The following DENND1A variants were observed in gnomAD, a reference collection of about 807,000 sequenced individuals.
DENND1A encodes DENN domain containing 1A, also known as DENN domain-containing protein 1A.
A neutral mutation model predicts 113.7 loss-of-function variants in DENND1A; 51 were observed. The observed-to-expected ratio is 0.45, with a 90% confidence interval of 0.36 to 0.57. The LOEUF is 0.57. DENND1A is among the 20% of genes least tolerant of loss of function. The pLI is 0.00. For synonymous variants in DENND1A, 565 were observed against 570.8 expected, an observed-to-expected ratio of 0.99 and a Z score of 0.14; for missense variants, 1,258 against 1,395.9, an observed-to-expected ratio of 0.90 and a Z score of 1.57.
intron 13 of DENND1A, among the ~76,000 whole-genome samples, chr9:123,459,709 A>G (rs1437951536): frequency 1.4e-5 from 2 of 141,196 alleles, no homozygotes; most frequent in East Asian, 4.1e-4. Flanking sequence ...CCCACCCCCC[A>G]GCCCTGGTAG....
intron 5 of DENND1A, among the ~76,000 whole-genome samples, chr9:123,755,500 C>T (rs117074034): frequency 0.022 from 3,260 of 150,634 alleles, 46 homozygotes; most frequent in Non-Finnish European, 0.033. Context: ...CTCCCTTCCT[C>T]CTCTTCCACC....
At chr9:123,488,001 G>A (rs767218652) in intron 13 of DENND1A, among the ~76,000 whole-genome samples, 5 of 152,258 alleles carry the variant, frequency 3.3e-5, no homozygotes, top group Non-Finnish European at 5.9e-5. Flanking sequence ...CGGAACCAGC[G>A]GCAGAGCACC....
intron 10 of DENND1A, 26 bp downstream of exon 10, chr9:123,630,350 G>T (rs780596260): frequency 1.3e-6 from 2 of 1,543,932 alleles, no homozygotes; most frequent in East Asian, 2.3e-5. Context: ...CAAAGGAGAA[G>T]CAGAGGACAG....
At chr9:123,510,198 C>T (rs2053335512) in intron 13 of DENND1A, among the ~76,000 whole-genome samples, 1 of 152,256 alleles carries the variant, frequency 6.6e-6, no homozygotes, top group African/African-American at 2.4e-5. Flanking sequence ...CCGTGGAGTT[C>T]CTCAAAGGCA....
At chr9:123,495,985 C>A (rs1192660213) in intron 13 of DENND1A, among the ~76,000 whole-genome samples, 2 of 152,190 alleles carry the variant, frequency 1.3e-5, no homozygotes, top group African/African-American at 4.8e-5. Context: ...TCTGTAATTG[C>A]GTTAAGCAGA....
At chr9:123,519,142 A>T (rs2054179573) in intron 13 of DENND1A, among the ~76,000 whole-genome samples, 1 of 152,186 alleles carries the variant, frequency 6.6e-6, no homozygotes, top group African/African-American at 2.4e-5. Flanking sequence ...GACTTCCCTG[A>T]TGCACCATCT....
chr9:123,446,121 T>A (rs6478617), intron 18 of DENND1A, among the ~76,000 whole-genome samples: 148,085 of 152,262 alleles, frequency 0.97, 72,106 homozygotes, highest in Non-Finnish European at 1. Flanking sequence ...ACACCACATC[T>A]CCATGTGGGG....
chr9:123,590,231 T>C (rs2059393540), intron 11 of DENND1A, among the ~76,000 whole-genome samples: 1 of 152,198 alleles, frequency 6.6e-6, no homozygotes, highest in Admixed American at 6.5e-5. Flanking sequence ...ACGTTGACTG[T>C]GACTTACTTA....
At chr9:123,696,718 C>T (rs1307767020) in intron 5 of DENND1A, among the ~76,000 whole-genome samples, 1 of 151,968 alleles carries the variant, frequency 6.6e-6, no homozygotes, top group Non-Finnish European at 1.5e-5. Context: ...AAATATACTC[C>T]CCTTTGAAAT....
chr9:123,792,965 T>A (rs1173492234), intron 2 of DENND1A, among the ~76,000 whole-genome samples: 1 of 152,206 alleles, frequency 6.6e-6, no homozygotes, highest in African/African-American at 2.4e-5. Context: ...TCTTCTCTAA[T>A]CAGAAGCCTC....
intron 5 of DENND1A, among the ~76,000 whole-genome samples, chr9:123,727,073 C>G (rs2067762099): frequency 6.6e-6 from 1 of 152,168 alleles, no homozygotes; most frequent in South Asian, 2.1e-4. Context: ...ACGGGATGAT[C>G]AGCATTAAAG....
chr9:123,714,772 T>C (rs2066866200), intron 5 of DENND1A, among the ~76,000 whole-genome samples: 1 of 152,172 alleles, frequency 6.6e-6, no homozygotes, highest in African/African-American at 2.4e-5. Flanking sequence ...AAATTGAAAA[T>C]TGATTCCATC....
At chr9:123,682,034 G>C (rs756238283) in intron 5 of DENND1A, among the ~76,000 whole-genome samples, 1 of 152,176 alleles carries the variant, frequency 6.6e-6, no homozygotes, top group Non-Finnish European at 1.5e-5. Flanking sequence ...AGAAGAAAGC[G>C]CATGAGCGAT....
At chr9:123,797,916 T>A (rs1023904250) in intron 2 of DENND1A, among the ~76,000 whole-genome samples, 1 of 152,154 alleles carries the variant, frequency 6.6e-6, no homozygotes, top group Non-Finnish European at 1.5e-5. Context: ...ACTCTAAAAT[T>A]TGAAAGACGT....
intron 13 of DENND1A, among the ~76,000 whole-genome samples, chr9:123,513,682 A>G (rs963126487): frequency 2.0e-5 from 3 of 152,246 alleles, no homozygotes; most frequent in African/African-American, 7.2e-5. Flanking sequence ...GCCCAAAGAC[A>G]GCATCATACC....
At chr9:123,633,836 G>C (rs556608938) in intron 9 of DENND1A, among the ~76,000 whole-genome samples, 1 of 152,212 alleles carries the variant, frequency 6.6e-6, no homozygotes, top group South Asian at 2.1e-4. Context: ...AGACACACAA[G>C]CATGGCACTT....
At chr9:123,753,432 C>G (rs955055755) in intron 5 of DENND1A, among the ~76,000 whole-genome samples, 1 of 152,194 alleles carries the variant, frequency 6.6e-6, no homozygotes, top group Admixed American at 6.5e-5. Context: ...TGGCTTAACC[C>G]TTCATGGACA....
At chr9:123,780,244 C>T (rs1229963691) in intron 3 of DENND1A, among the ~76,000 whole-genome samples, 1 of 152,180 alleles carries the variant, frequency 6.6e-6, no homozygotes, top group Non-Finnish European at 1.5e-5. Context: ...TCTCGCCTCT[C>T]CCAAGTTGAC....
intron 9 of DENND1A, among the ~76,000 whole-genome samples, chr9:123,646,182 C>G (rs2062314035): frequency 6.6e-6 from 1 of 152,116 alleles, no homozygotes; most frequent in Admixed American, 6.6e-5. Flanking sequence ...GTTCTGAGAG[C>G]TATGCAAGTA....
Sources: gnomAD v4.1 joint callset for allele counts (sites outside exome capture counted in the v4.1 genomes callset) on GRCh38, gnomAD v4.1.1 for gene constraint, MANE v1.5 for transcripts, NCBI Gene and HGNC (gene_info 2026-07-23, HGNC 2026-07-21) for gene names.